ANKRD12: variants seen among roughly 807,000 people sequenced by gnomAD.
ANKRD12 encodes the protein ankyrin repeat domain-containing protein 12.
ANKRD12 carries 85 observed loss-of-function variants against 183.4 expected under a neutral mutation model. The ratio of observed to expected loss-of-function variants is 0.46; its 90% CI spans 0.39 to 0.56. The LOEUF (loss-of-function observed/expected upper bound fraction) is 0.56. ANKRD12 is among the 20% of genes least tolerant of loss of function. The pLI, the probability that ANKRD12 is intolerant of heterozygous loss-of-function variation, is 0.00. For missense variants in ANKRD12, 2,405 were observed against 2,357.1 expected, an observed-to-expected ratio of 1.02 and a Z score of -0.42; for synonymous variants, 914 against 800.2, an observed-to-expected ratio of 1.14 and a Z score of -2.40.
chr18:9,147,135 A>C (rs1426311952), intron 1 of ANKRD12, among the ~76,000 whole-genome samples: 1 of 152,198 alleles, frequency 6.6e-6, no homozygotes, highest in Non-Finnish European at 1.5e-5. Context: ...TCAGGCTTAT[A>C]TTGCAGAAGC....
chr18:9,208,574 C>A, intron 4 of ANKRD12, 83 bp from the exon 5 acceptor site: 1 of 1,210,796 alleles, frequency 8.3e-7, no homozygotes, highest in Admixed American at 2.5e-5. Flanking sequence ...ATATGTACAG[C>A]ATCTATCAAA....
At position 9,284,472 on chromosome 18, in the gene ANKRD12, T is replaced by C. The variant is rs1262739901; in HGVS notation, c.*3346T>C. The C allele has an allele frequency of 6.6e-6, 1 of 152,184 alleles. No homozygotes were observed. The highest frequency in any genetic ancestry group is 1.5e-5 in the Non-Finnish European group (1 of 68,022). The allele number at this position is 152,184 out of a possible 1,614,324, so 9.4% of individuals were successfully genotyped here. A position where few individuals can be genotyped will look rare whatever the true frequency, so the allele number is the denominator to read the frequency against. ...AAGAAATTGACTCTGTAAAACGCAA[T>C]GAAATAGTCCTCTTTTTAAACAGTT... On this transcript the variant is annotated 3_prime_UTR_variant, in exon 13 of 13. Coordinates refer to ENST00000262126, the MANE Select transcript of ANKRD12 (RefSeq NM_015208.5).
At chr18:9,260,764 A>C (rs1360331746) in intron 9 of ANKRD12, among the ~76,000 whole-genome samples, 1 of 152,186 alleles carries the variant, frequency 6.6e-6, no homozygotes, top group African/African-American at 2.4e-5. Context: ...AAACCTCCAT[A>C]TCTCTTTGGT....
Position 9,183,047 on chromosome 18 carries a change from G to A in ANKRD12, c.87+528G>A, listed in dbSNP as rs555427893. Among the ~76,000 whole-genome samples, 79 of 152,186 alleles carry A rather than the reference G, an allele frequency of 5.2e-4. No homozygotes were observed. The South Asian group carries it at 0.011, about 21-fold the overall frequency. ...AGACATTTTTAACTAACGGAGTTGC[G>A]CAACCATCATCACAATAAGGTTTTA... On this transcript the variant is annotated intron_variant, in intron 2 of 12. Coordinates refer to ENST00000262126, the MANE Select transcript of ANKRD12 (RefSeq NM_015208.5).
In ANKRD12 at chr18:9,204,560, G is replaced by C; in HGVS notation, c.304+16G>C. ...ACATACTCAGGTAATTAGATTATCA[G>C]GTGTTCCTGTTTAGCCAGTGGTTTC... On this transcript the variant is annotated intron_variant, in intron 4 of 12. Transcript: ENST00000262126. The C allele has an allele frequency of 6.5e-7, 1 of 1,542,442 alleles. No homozygotes were observed. The highest frequency in any genetic ancestry group is 8.8e-7 in the Non-Finnish European group (1 of 1,134,508).
At chr18:9,266,186 C>T (rs569384739) in intron 10 of ANKRD12, among the ~76,000 whole-genome samples, 26 of 152,294 alleles carry the variant, frequency 1.7e-4, no homozygotes, top group African/African-American at 6.0e-4. Context: ...AGTTGGAAAA[C>T]ACTCTGCAGG....
At chr18:9,211,344 A>T (rs1435485851) in intron 5 of ANKRD12, among the ~76,000 whole-genome samples, 1 of 152,120 alleles carries the variant, frequency 6.6e-6, no homozygotes, top group Non-Finnish European at 1.5e-5. Context: ...ATCATTTTAA[A>T]CCAATTTTAT....
chr18:9,245,546 T>C (rs2037912525), intron 8 of ANKRD12, among the ~76,000 whole-genome samples: 1 of 152,224 alleles, frequency 6.6e-6, no homozygotes, highest in South Asian at 2.1e-4. Context: ...ACTATATTAA[T>C]AGTTTATAGG....
At chr18:9,277,179 G>A (rs943260030) in intron 11 of ANKRD12, among the ~76,000 whole-genome samples, 12 of 152,102 alleles carry the variant, frequency 7.9e-5, no homozygotes, top group Non-Finnish European at 1.5e-4. Flanking sequence ...TCAAAGCCTG[G>A]CATGGTGGCA....
intron 1 of ANKRD12, among the ~76,000 whole-genome samples, chr18:9,156,041 A>G (rs1263859897): frequency 1.3e-5 from 2 of 151,008 alleles, no homozygotes; most frequent in Non-Finnish European, 2.9e-5. Context: ...AGGCTAAGGC[A>G]GGAGAATCGC....
At chr18:9,173,519 C>T (rs541630975) in intron 1 of ANKRD12, among the ~76,000 whole-genome samples, 1 of 144,152 alleles carries the variant, frequency 6.9e-6, no homozygotes, top group Non-Finnish European at 1.5e-5. Flanking sequence ...TTGTCTTGGT[C>T]TTTCCTTTAC....
At chr18:9,197,342 A>G (rs1402332751) in intron 3 of ANKRD12, among the ~76,000 whole-genome samples, 1 of 152,212 alleles carries the variant, frequency 6.6e-6, no homozygotes, top group Non-Finnish European at 1.5e-5. Flanking sequence ...AGACTGTTTC[A>G]TAACACTTAT....
chr18:9,162,025 G>C (rs2031492726), intron 1 of ANKRD12, among the ~76,000 whole-genome samples: 1 of 151,984 alleles, frequency 6.6e-6, no homozygotes, highest in African/African-American at 2.4e-5. Context: ...ACCACACCCA[G>C]CCAATTTTTT....
intron 8 of ANKRD12, among the ~76,000 whole-genome samples, chr18:9,229,192 T>C (rs2036898256): frequency 6.6e-6 from 1 of 152,032 alleles, no homozygotes; most frequent in African/African-American, 2.4e-5. Context: ...ATACCAACAC[T>C]GTGCTCTCTC....
intron 6 of ANKRD12, among the ~76,000 whole-genome samples, chr18:9,213,103 G>T (rs547938385): frequency 6.6e-5 from 10 of 151,902 alleles, no homozygotes; most frequent in Non-Finnish European, 4.4e-5. Context: ...TGGGTTCTTG[G>T]TTTGGTATTT....
intron 10 of ANKRD12, among the ~76,000 whole-genome samples, chr18:9,275,169 A>G (rs914743130): frequency 6.6e-6 from 1 of 152,116 alleles, no homozygotes; most frequent in African/African-American, 2.4e-5. Context: ...AGCCTGGGTG[A>G]CAGAGTGAGA....
chr18:9,266,545 A>C (rs1050718328), intron 10 of ANKRD12, among the ~76,000 whole-genome samples: 6 of 152,134 alleles, frequency 3.9e-5, no homozygotes, highest in Non-Finnish European at 5.9e-5. Flanking sequence ...GAAATAAAAT[A>C]CTTTACAGAC....
intron 1 of ANKRD12, among the ~76,000 whole-genome samples, chr18:9,166,309 A>G (rs1044752943): frequency 5.2e-4 from 79 of 152,296 alleles, no homozygotes; most frequent in Non-Finnish European, 4.0e-4. Context: ...GACTTCCACA[A>G]TGGTTGAACT....
At chr18:9,176,686 G>C (rs1309250689) in intron 1 of ANKRD12, among the ~76,000 whole-genome samples, 1 of 152,128 alleles carries the variant, frequency 6.6e-6, no homozygotes, top group Non-Finnish European at 1.5e-5. Context: ...GTTTACACTA[G>C]AGTTTTTGAT....
Sources: allele counts gnomAD v4.1 joint callset (sites outside exome capture counted in the v4.1 genomes callset), GRCh38; gene constraint gnomAD v4.1.1; transcripts MANE v1.5; gene names NCBI Gene and HGNC (gene_info 2026-07-23, HGNC 2026-07-21).